CPT1A: variants seen among roughly 807,000 people sequenced by gnomAD.
CPT1A encodes the protein carnitine O-palmitoyltransferase 1, liver isoform.
In CPT1A, 64 loss-of-function variants were observed where a neutral mutation model predicts 100.8. The observed-to-expected ratio is 0.63, with a 90% confidence interval of 0.52 to 0.78. The LOEUF is 0.78. Among genes scored for constraint, CPT1A ranks in the 30% least tolerant of loss-of-function variants. The probability of loss-of-function intolerance (pLI) is 0.00; values close to 1 mark genes in which losing one functional copy is unlikely to be tolerated. For missense variants in CPT1A, 802 were observed against 1,034.1 expected (o/e 0.78, Z 3.08); for synonymous variants, 363 against 396.0 (o/e 0.92, Z 0.99).
At position 68,812,345 on chromosome 11, in the gene CPT1A, A is replaced by G. The variant is rs149679985; in HGVS notation, c.281+92T>C. 3.3e-4 allele frequency: 506 copies of G among 1,523,572 alleles called. 2 individuals are homozygous for G. The African/African-American group carries it at 5.5e-3, about 16-fold the overall frequency. The allele number at this position is 1,523,572 out of a possible 1,614,324, so 94.4% of individuals were successfully genotyped here. A position where few individuals can be genotyped will look rare whatever the true frequency, so the allele number is the denominator to read the frequency against. On this transcript the variant is annotated intron_variant, in intron 3 of 18. Coordinates refer to ENST00000265641, the MANE Select transcript of CPT1A (RefSeq NM_001876.4). ...ATCAGGAGCTTCATATGGAATCCAGAACAGTGACAATCATCACATTTGAAG... is the reference window on the plus strand; with the variant it reads ...ATCAGGAGCTTCATATGGAATCCAGGACAGTGACAATCATCACATTTGAAG...
At chr11:68,829,203 C>T (rs993927480) in intron 1 of CPT1A, among the ~76,000 whole-genome samples, 4 of 152,278 alleles carry the variant, frequency 2.6e-5, no homozygotes, top group East Asian at 3.9e-4. Context: ...CCCCGGGCCG[C>T]GTGTCCCACC....
Position 68,841,824 on chromosome 11 carries a change from C to A in CPT1A, c.-63G>T. 4.0e-6 allele frequency: 4 copies of A among 998,402 alleles called. No homozygotes were observed. The highest frequency in any genetic ancestry group is 3.6e-6 in the Non-Finnish European group (3 of 840,902). The allele number at this position is 998,402 out of a possible 1,614,324, so 61.8% of individuals were successfully genotyped here. A position where few individuals can be genotyped will look rare whatever the true frequency, so the allele number is the denominator to read the frequency against. ...GCGGCAGCGGCAGCGGCGGCGGCGG[C>A]GGCGGCGGTGGAGTGAACGAGCGGC... On this transcript the variant is annotated 5_prime_UTR_variant, in exon 1 of 19. Coordinates refer to ENST00000265641, the MANE Select transcript of CPT1A (RefSeq NM_001876.4). The surrounding 1 kb of genome is among the most constrained non-coding windows in gnomAD (Gnocchi z 6.3).
At chr11:68,842,083 G>A (rs1003013703), upstream of CPT1A, among the ~76,000 whole-genome samples, 7 of 152,006 alleles carry the variant, frequency 4.6e-5, no homozygotes, top group African/African-American at 2.4e-5. Flanking sequence ...TGGGGTCTAG[G>A]ACGAGATTCC....
chr11:68,760,404 G>T, intron 16 of CPT1A, 66 bp from the exon 17 acceptor site: 1 of 1,295,332 alleles, frequency 7.7e-7, no homozygotes. Context: ...AGTCGCTTTG[G>T]GAAGACGAGA....
chr11:68,758,152 C>T (rs1312928814), intron 18 of CPT1A, among the ~76,000 whole-genome samples: 1 of 152,124 alleles, frequency 6.6e-6, no homozygotes. Context: ...CCTATAGTCC[C>T]AGCTACTCAG....
intron 1 of CPT1A, among the ~76,000 whole-genome samples, chr11:68,828,027 C>G (rs1566387531): frequency 6.6e-6 from 1 of 152,196 alleles, no homozygotes; most frequent in Non-Finnish European, 1.5e-5. Flanking sequence ...CATGTTGCAG[C>G]ATCGTATTTT....
At chr11:68,762,982 T>G (rs1854674081) in intron 14 of CPT1A, among the ~76,000 whole-genome samples, 1 of 152,106 alleles carries the variant, frequency 6.6e-6, no homozygotes, top group Admixed American at 6.6e-5. Flanking sequence ...CTCAGCCTCC[T>G]GAGTAGCTGG....
At chr11:68,767,841 CG>C (rs942305942) in intron 14 of CPT1A, among the ~76,000 whole-genome samples, 25 of 152,014 alleles carry the variant, frequency 1.6e-4, no homozygotes, top group African/African-American at 6.0e-4. Flanking sequence ...ATGTAACTGA[CG>C]ATTCCCCTAC....
At chr11:68,797,145 A>C (rs1031454067) in intron 6 of CPT1A, among the ~76,000 whole-genome samples, 2 of 152,228 alleles carry the variant, frequency 1.3e-5, no homozygotes, top group Non-Finnish European at 2.9e-5. Flanking sequence ...AAGTTGAGAC[A>C]GGCAGAAAGA....
At chr11:68,805,085 T>C (rs1856004756) in intron 4 of CPT1A, among the ~76,000 whole-genome samples, 1 of 152,198 alleles carries the variant, frequency 6.6e-6, no homozygotes, top group South Asian at 2.1e-4. Flanking sequence ...GAGTCTCTTC[T>C]AGGTGTTAAA....
Position 68,757,410 on chromosome 11 carries a change from G to T in CPT1A, c.*234C>A. 2 of 1,410,378 alleles carry T rather than the reference G, an allele frequency of 1.4e-6. No individual in the cohort carries two copies. The highest frequency in any genetic ancestry group is 1.8e-6 in the Non-Finnish European group (2 of 1,086,296). The allele number at this position is 1,410,378 out of a possible 1,614,324, so 87.4% of individuals were successfully genotyped here. A position where few individuals can be genotyped will look rare whatever the true frequency, so the allele number is the denominator to read the frequency against. On this transcript the variant is annotated 3_prime_UTR_variant, in exon 19 of 19. Transcript: ENST00000265641. ...AATCCAAGCCGATGCGGAGACATCA[G>T]GGGAGACTTTATCAGATGTCCCCCA...
At chr11:68,786,237 C>T (rs980368522) in intron 9 of CPT1A, among the ~76,000 whole-genome samples, 7 of 152,106 alleles carry the variant, frequency 4.6e-5, no homozygotes, top group African/African-American at 1.7e-4. Flanking sequence ...TGGTGTGCAC[C>T]TGTAGTCCCA....
At chr11:68,833,526 G>A (rs1468266974) in intron 1 of CPT1A, among the ~76,000 whole-genome samples, 3 of 152,224 alleles carry the variant, frequency 2.0e-5, no homozygotes, top group African/African-American at 7.2e-5. Context: ...GGAGGCCAAG[G>A]TGGGCGGATC....
intron 1 of CPT1A, among the ~76,000 whole-genome samples, chr11:68,830,198 TGTCTGGGAG>T (rs1856842993): frequency 6.6e-6 from 1 of 152,144 alleles, no homozygotes; most frequent in African/African-American, 2.4e-5. Flanking sequence ...AGATTTCTTG[TGTCTGGGAG>T]GTCGAGGCTG....
In CPT1A at chr11:68,789,031, A is replaced by G. The variant is rs528027015; in HGVS notation, c.968-4021T>C. Among the ~76,000 whole-genome samples, 9 of 152,342 alleles carry G rather than the reference A, an allele frequency of 5.9e-5. No homozygotes were observed. In the East Asian group the frequency reaches 7.7e-4, roughly 13 times the overall value. On this transcript the variant is annotated intron_variant, in intron 9 of 18. Coordinates refer to ENST00000265641, the MANE Select transcript of CPT1A (RefSeq NM_001876.4). ...CGTCACTTAGAAAGGAAAACAGGAAAGAAAGAAAAGCGTTCACATACTGGA... is the reference window on the plus strand; with the variant it reads ...CGTCACTTAGAAAGGAAAACAGGAAGGAAAGAAAAGCGTTCACATACTGGA...
rs1855324200 is a variant in CPT1A, at chr11:68,781,936, T to C, written c.1187A>G (p.Gln396Arg). The C allele has an allele frequency of 2.5e-6, 4 of 1,614,106 alleles. No homozygotes were observed. Among genetic ancestry groups the C allele is most frequent in the Non-Finnish European group, 3.4e-6 (4 of 1,180,044 alleles). The change falls in exon 11 of 19, where the codon CAG (glutamine) becomes CGG (arginine). Residue 396 changes from glutamine (Q) to arginine (R), a missense_variant. Physicochemically the swap from Gln to Arg is conservative, Grantham distance 43. This residue lies in a region of CPT1A where 627 missense variants were observed against 799.3 expected (regional missense o/e 0.78). Transcript: ENST00000265641. The stretch of plus-strand genomic sequence containing the variant: ...ATTTTTCCCACGTCCAAAATAGGCC[T>C]GACGACACCTGGCCCAGGGAACTCT... ...GDRVPWARCRQAYFGRGKNKQ... is the reference protein window; with the variant it reads ...GDRVPWARCRRAYFGRGKNKQ...
intron 1 of CPT1A, among the ~76,000 whole-genome samples, chr11:68,829,695 G>A (rs530901179): frequency 1.4e-4 from 22 of 152,178 alleles, no homozygotes; most frequent in Non-Finnish European, 2.5e-4. Context: ...GAATGGACTC[G>A]TGGAGGAGGC....
chr11:68,812,692 G>T, intron 2 of CPT1A, 116 bp from the exon 3 acceptor site: 1 of 1,238,702 alleles, frequency 8.1e-7, no homozygotes, highest in Non-Finnish European at 1.2e-6. Context: ...AAGAGGGTGT[G>T]GACAGCGTGC....
chr11:68,761,240 T>G (rs1946803489), intron 16 of CPT1A, among the ~76,000 whole-genome samples: 1 of 148,914 alleles, frequency 6.7e-6, no homozygotes, highest in Non-Finnish European at 1.5e-5. Flanking sequence ...AAAACAAAGG[T>G]GGTACGCGCT....
Sources: allele counts gnomAD v4.1 joint callset (sites outside exome capture counted in the v4.1 genomes callset), GRCh38; gene constraint gnomAD v4.1.1; regional missense constraint gnomAD v4.1.1; non-coding constraint Gnocchi (gnomAD v3.1); transcripts MANE v1.5; gene names NCBI Gene and HGNC (gene_info 2026-07-23, HGNC 2026-07-21).